Variants in CHAT observed in about 807,000 individuals in gnomAD.
CHAT encodes choline O-acetyltransferase.
CHAT carries 61 observed loss-of-function variants against 76.9 expected under a neutral mutation model. That is an observed-to-expected ratio of 0.79 (90% CI 0.65 to 0.98). The LOEUF (loss-of-function observed/expected upper bound fraction) is 0.98. Ranked by LOEUF, CHAT falls within the 50% of genes least tolerant of loss-of-function variation. The pLI, the probability that CHAT is intolerant of heterozygous loss-of-function variation, is 0.00. For synonymous variants in CHAT, 407 were observed against 397.4 expected, an observed-to-expected ratio of 1.02 and a Z score of -0.29; for missense variants, 946 against 986.9, an observed-to-expected ratio of 0.96 and a Z score of 0.56.
intron 7 of CHAT, chr10:49,637,731 A>C (rs1839343685): frequency 1.3e-5 from 2 of 152,212 alleles, no homozygotes; most frequent in South Asian, 4.1e-4. Flanking sequence ...AAACAGACTA[A>C]TACAGACTCC....
intron 5 of CHAT, 46 bp from the exon 6 acceptor site, chr10:49,625,427 C>G: frequency 6.3e-7 from 1 of 1,587,606 alleles, no homozygotes. Flanking sequence ...CCCTCACCAC[C>G]CACCATCCCC....
At chr10:49,610,915 G>A (rs955025798), upstream of CHAT, 3 of 1,611,832 alleles carry the variant, frequency 1.9e-6, no homozygotes, top group African/African-American at 2.7e-5. Context: ...CATAGTGCCC[G>A]ACTACATCGC....
intron 10 of CHAT, 188 bp from the exon 11 acceptor site, chr10:49,651,696 T>C (rs571494748): frequency 6.7e-6 from 4 of 600,336 alleles, no homozygotes; most frequent in Non-Finnish European, 1.2e-5. Context: ...TGGCCTGGTT[T>C]GTCTTCTGAC....
intron 7 of CHAT, among the ~76,000 whole-genome samples, chr10:49,629,258 T>A (rs953671515): frequency 6.6e-6 from 1 of 151,876 alleles, no homozygotes; most frequent in African/African-American, 2.4e-5. Flanking sequence ...AATAAAAGAG[T>A]GAAGGGTGAT....
Position 49,619,775 on chromosome 10 carries a change from C to A in CHAT, c.438C>A (p.Tyr146Ter). 6.2e-7 allele frequency: 1 copy of A among 1,614,028 alleles called. No homozygotes were observed. The highest frequency in any genetic ancestry group is 8.5e-7 in the Non-Finnish European group (1 of 1,180,024). Residue 146 changes from tyrosine (Y) to a stop codon, truncating the protein, a stop_gained, in exon 3 of 15, where the codon TAC (tyrosine) becomes TAA (stop). Transcript: ENST00000337653. LOFTEE classifies it high-confidence loss of function. ...VPPLQQTLAT[Y>*]LQCMRHLVSE... ...CGCTGCAGCAGACCCTGGCCACGTACCTGCAGTGCATGCGACACTTGGTGT... is the reference window on the plus strand; with the variant it reads ...CGCTGCAGCAGACCCTGGCCACGTAACTGCAGTGCATGCGACACTTGGTGT...
At position 49,651,977 on chromosome 10, in the gene CHAT, C is replaced by G. The variant is rs772695708; in HGVS notation, c.1605C>G (p.Ile535Met). Residue 535 changes from isoleucine (I) to methionine (M), a missense_variant, in exon 11 of 15, where the codon ATC becomes ATG. Physicochemically the swap from Ile to Met is conservative, Grantham distance 10 (BLOSUM62 1). Coordinates refer to ENST00000337653, the MANE Select transcript of CHAT (RefSeq NM_020549.5). ...KKQKCSPDAF[I>M]QVALQLAFYR... ...AGAAATGCAGCCCTGATGCCTTCAT[C>G]CAGGTGGCCCTCCAGCTGGCCTTCT... 2.5e-6 allele frequency: 4 copies of G among 1,614,082 alleles called. No individual in the cohort carries two copies. The highest frequency in any genetic ancestry group is 1.7e-5 in the Admixed American group (1 of 60,006).
chr10:49,631,178 T>C (rs1478353949), intron 7 of CHAT, among the ~76,000 whole-genome samples: 1 of 152,138 alleles, frequency 6.6e-6, no homozygotes, highest in Admixed American at 6.5e-5. Flanking sequence ...TGTGTTCAAG[T>C]CTGCTCAGCA....
intron 5 of CHAT, among the ~76,000 whole-genome samples, chr10:49,624,351 G>T (rs1349708831): frequency 6.6e-6 from 1 of 152,164 alleles, no homozygotes; most frequent in African/African-American, 2.4e-5. Context: ...ACATTTCTGG[G>T]TTCAGGCATT....
chr10:49,654,300 G>A (rs1349379067), intron 11 of CHAT, among the ~76,000 whole-genome samples: 2 of 152,374 alleles, frequency 1.3e-5, no homozygotes, highest in Admixed American at 6.5e-5. Context: ...AGCCCAGCCA[G>A]TGAGGGAGAG....
At chr10:49,643,381 C>A (rs1317412906) in intron 7 of CHAT, among the ~76,000 whole-genome samples, 1 of 152,220 alleles carries the variant, frequency 6.6e-6, no homozygotes, top group African/African-American at 2.4e-5. Flanking sequence ...CCTCCATCCA[C>A]CACCCTGCAC....
rs778837182 is a variant in CHAT at position 49,627,701 on chromosome 10, G to A, written c.1027G>A (p.Glu343Lys). 3.5e-5 allele frequency: 56 copies of A among 1,614,018 alleles called. No individual in the cohort carries two copies. Among genetic ancestry groups the A allele is most frequent in the East Asian group, 6.7e-5 (3 of 44,904 alleles). Residue 343 changes from glutamate (E) to lysine (K), a missense_variant, in exon 7 of 15, where the codon GAG becomes AAG. By Grantham distance (56) the Glu-to-Lys change is moderately conservative. Coordinates refer to ENST00000337653, the MANE Select transcript of CHAT (RefSeq NM_020549.5). Reference sequence around the variant, plus strand: ...AAAGATAGTCAAAATGGCTTCCAACGAGGACGAGCGTTTGCCTCCAATTGG... The same window carrying A: ...AAAGATAGTCAAAATGGCTTCCAACAAGGACGAGCGTTTGCCTCCAATTGG... Reference protein sequence around the residue: ...LRKIVKMASNEDERLPPIGLL... With the variant: ...LRKIVKMASNKDERLPPIGLL...
chr10:49,611,849 G>A (rs776627836), upstream of CHAT: 1 of 1,605,364 alleles, frequency 6.2e-7, no homozygotes, highest in Non-Finnish European at 8.5e-7. Flanking sequence ...ATCGGCGCCA[G>A]CTCGTGCATC....
At chr10:49,636,195 A>T (rs1179720524) in intron 7 of CHAT, among the ~76,000 whole-genome samples, 1 of 152,194 alleles carries the variant, frequency 6.6e-6, no homozygotes, top group Non-Finnish European at 1.5e-5. Context: ...TTCTGGTACT[A>T]GTTCAATAAG....
chr10:49,609,885 C>G (rs939389181), upstream of CHAT, among the ~76,000 whole-genome samples: 2 of 152,096 alleles, frequency 1.3e-5, no homozygotes, highest in African/African-American at 2.4e-5. Context: ...CGCTGTGCGC[C>G]GAGGTCCAGG....
At chr10:49,628,931 G>A (rs1198817918) in intron 7 of CHAT, among the ~76,000 whole-genome samples, 2 of 152,266 alleles carry the variant, frequency 1.3e-5, no homozygotes, top group African/African-American at 2.4e-5. Context: ...ACAGCCACTT[G>A]CATTTTCTGG....
intron 2 of CHAT, among the ~76,000 whole-genome samples, chr10:49,618,206 C>T (rs181312476): frequency 1.1e-3 from 165 of 152,340 alleles, no homozygotes; most frequent in African/African-American, 2.3e-3. Context: ...CACAAGAGTA[C>T]ACCCTTCAGG....
intron 7 of CHAT, among the ~76,000 whole-genome samples, chr10:49,632,022 A>G (rs1274992493): frequency 6.6e-6 from 1 of 151,682 alleles, no homozygotes; most frequent in Admixed American, 6.6e-5. Context: ...AGGGAGGGGG[A>G]GTTGTTTAGA....
At chr10:49,617,357 A>G (rs1304055220) in intron 2 of CHAT, among the ~76,000 whole-genome samples, 1 of 152,134 alleles carries the variant, frequency 6.6e-6, no homozygotes, top group African/African-American at 2.4e-5. Flanking sequence ...CTTCCTTCAG[A>G]GCAGGCTCTG....
rs1840350276 is a variant in CHAT at position 49,666,879 on chromosome 10, C to T, written c.*1833C>T. Among the ~76,000 whole-genome samples the T allele has an allele frequency of 6.6e-6, 1 of 152,150 alleles. No homozygotes were observed. The highest frequency in any genetic ancestry group is 2.1e-4 in the South Asian group (1 of 4,822). On this transcript the variant is annotated 3_prime_UTR_variant, in exon 15 of 15. Coordinates refer to ENST00000337653, the MANE Select transcript of CHAT (RefSeq NM_020549.5). ...GGCAGCCCACCTGCTGTAAGTTGGC[C>T]CAAAGCTACTTGTCTGTTCTCTCCA...
Sources: allele counts gnomAD v4.1 joint callset (sites outside exome capture counted in the v4.1 genomes callset), GRCh38; gene constraint gnomAD v4.1.1; transcripts MANE v1.5; gene names NCBI Gene and HGNC (gene_info 2026-07-23, HGNC 2026-07-21).